GGACT: variants seen among roughly 807,000 people sequenced by gnomAD.
GGACT encodes gamma-glutamylamine cyclotransferase.
For synonymous variants in GGACT, 118 were observed against 115.3 expected (o/e 1.02, Z -0.15); for missense variants, 241 against 233.2 (o/e 1.03, Z -0.22).
intron 2 of GGACT, among the ~76,000 whole-genome samples, chr13:100,579,670 G>T (rs760951598): frequency 6.6e-6 from 1 of 152,056 alleles, no homozygotes. Flanking sequence ...TTCCCTACTC[G>T]GTCTATTTCC....
rs1275992118 is a variant in GGACT, at chr13:100,530,591, T to C, written c.*1539A>G. Reference sequence around the variant, plus strand: ...TTTATTAAATTAGCACTTGCCATTTTTTCATCTGATTGCCTTACTACTTCT... The same window carrying C: ...TTTATTAAATTAGCACTTGCCATTTCTTCATCTGATTGCCTTACTACTTCT... On this transcript the variant is annotated 3_prime_UTR_variant, in exon 3 of 3. Transcript: ENST00000683975. 1 of 293,236 alleles carries C rather than the reference T, an allele frequency of 3.4e-6. No homozygotes were observed. Among genetic ancestry groups the C allele is most frequent in the African/African-American group, 2.2e-5 (1 of 44,504 alleles). The allele number at this position is 293,236 out of a possible 1,614,324, so 18.2% of individuals were successfully genotyped here. A position where few individuals can be genotyped will look rare whatever the true frequency, so the allele number is the denominator to read the frequency against.
Position 100,583,993 on chromosome 13 carries a change from C to T in GGACT, c.-179G>A, listed in dbSNP as rs1337088810. On this transcript the variant is annotated 5_prime_UTR_variant, in exon 2 of 3. Coordinates refer to ENST00000683975, the MANE Select transcript of GGACT (RefSeq NM_001195087.2). ...CCATGGGGACCAAATATCCAGTTTT[C>T]AGTCCTGTTGGGAGGTGAGATAAGA... The T allele has an allele frequency of 6.6e-6, 1 of 152,200 alleles. No individual in the cohort carries two copies. The highest frequency in any genetic ancestry group is 1.5e-5 in the Non-Finnish European group (1 of 68,044). The allele number at this position is 152,200 out of a possible 1,614,324, so 9.4% of individuals were successfully genotyped here.
intron 2 of GGACT, among the ~76,000 whole-genome samples, chr13:100,581,727 G>A (rs1875424012): frequency 6.6e-6 from 1 of 152,142 alleles, no homozygotes. Context: ...ACTTTACAGT[G>A]GAGAAACCTG....
chr13:100,583,708 A>G (rs949972476), intron 2 of GGACT, 117 bp downstream of exon 2: 2 of 152,190 alleles, frequency 1.3e-5, no homozygotes, highest in Non-Finnish European at 2.9e-5. Context: ...CACCACTACT[A>G]TTCTTAAATG....
Position 100,532,171 on chromosome 13 carries a change from C to T in GGACT, c.421G>A (p.Gly141Arg). ...GGGTTGTAGCGCAGCCCGTGCGGCC[C>T]CTCGGAGTCGTAGCTGTCATGGTGC... ...LPHHDSYDSE[G>R]PHGLRYNPRE... is the part of the protein sequence containing the mutation. Residue 141 changes from glycine to arginine, a missense_variant, in exon 3 of 3, where the codon GGG becomes AGG. Gly to Arg is a moderately radical substitution (Grantham distance 125). Coordinates refer to ENST00000683975, the MANE Select transcript of GGACT (RefSeq NM_001195087.2). The T allele has an allele frequency of 6.8e-6, 10 of 1,463,298 alleles. No individual in the cohort carries two copies. Among genetic ancestry groups the T allele is most frequent in the Non-Finnish European group, 8.2e-6 (9 of 1,101,604 alleles). 90.6% of individuals were successfully genotyped at this position (1,463,298 alleles called of 1,614,324 possible). A position where few individuals can be genotyped will look rare whatever the true frequency, so the allele number is the denominator to read the frequency against.
chr13:100,569,029 G>T (rs536222885), intron 2 of GGACT, among the ~76,000 whole-genome samples: 1 of 152,234 alleles, frequency 6.6e-6, no homozygotes, highest in East Asian at 1.9e-4. Context: ...GGGCAGCTCC[G>T]CCCCTATGGC....
intron 2 of GGACT, chr13:100,539,791 C>G: frequency 1.5e-6 from 1 of 666,518 alleles, no homozygotes; most frequent in Non-Finnish European, 2.6e-6. Context: ...GTAGAATTTA[C>G]CAGTGAAGCC....
At chr13:100,575,275 CAG>C (rs1245743634) in intron 2 of GGACT, among the ~76,000 whole-genome samples, 1 of 152,152 alleles carries the variant, frequency 6.6e-6, no homozygotes. Flanking sequence ...CCTGTGTACC[CAG>C]AGACTTTCCC....
intron 2 of GGACT, among the ~76,000 whole-genome samples, chr13:100,569,834 C>A (rs1351488800): frequency 6.6e-6 from 1 of 152,226 alleles, no homozygotes; most frequent in Non-Finnish European, 1.5e-5. Context: ...TCACCTCTCT[C>A]AAGTTCAAAG....
Position 100,534,004 on chromosome 13 carries a change from C to A in GGACT, c.-10-1403G>T, listed in dbSNP as rs2088455692. 1.3e-5 allele frequency among the ~76,000 whole-genome samples: 2 copies of A among 152,340 alleles called. No homozygotes were observed. Among genetic ancestry groups the A allele is most frequent in the South Asian group, 4.1e-4 (2 of 4,826 alleles). On this transcript the variant is annotated intron_variant, in intron 2 of 2. Coordinates refer to ENST00000683975, the MANE Select transcript of GGACT (RefSeq NM_001195087.2). This position sits in a 1 kb window ranked among gnomAD's most constrained non-coding sequence, Gnocchi z 4.9. ...CCAGGAAACAGCAGCGGCTCGTGAC[C>A]CGCCAGAAATGGCCCCGGACACCAC...
intron 2 of GGACT, chr13:100,580,128 G>C (rs1875372019): frequency 6.6e-6 from 1 of 152,314 alleles, no homozygotes; most frequent in South Asian, 2.1e-4. Context: ...AAAAATGCCT[G>C]GGGATCTGCT....
rs763453775 is a variant in GGACT, at chr13:100,530,381, CTG to C, written c.*1747_*1748del. The C allele has an allele frequency of 3.3e-6, 2 of 612,272 alleles. No homozygotes were observed. The highest frequency in any genetic ancestry group is 5.6e-5 in the East Asian group (2 of 35,950). 37.9% of individuals were successfully genotyped at this position (612,272 alleles called of 1,614,324 possible). A position where few individuals can be genotyped will look rare whatever the true frequency, so the allele number is the denominator to read the frequency against. ...CTTGTACATATGATTTGTACTTCTG[CTG>C]TGAGATTCCCTAGTGTCAAAATTAA... On this transcript the variant is annotated 3_prime_UTR_variant, in exon 3 of 3. Coordinates refer to ENST00000683975, the MANE Select transcript of GGACT (RefSeq NM_001195087.2).
intron 2 of GGACT, among the ~76,000 whole-genome samples, chr13:100,549,064 T>A (rs559369984): frequency 7.2e-5 from 11 of 152,300 alleles, no homozygotes; most frequent in African/African-American, 2.6e-4. Flanking sequence ...CCACCACCCA[T>A]GGACCAGGAG....
intron 2 of GGACT, among the ~76,000 whole-genome samples, chr13:100,553,443 G>A (rs1056955479): frequency 2.6e-5 from 4 of 152,178 alleles, no homozygotes; most frequent in Non-Finnish European, 5.9e-5. Context: ...GATACTCTAT[G>A]GCAACAAGAA....
intron 2 of GGACT, 134 bp from the exon 3 acceptor site, chr13:100,532,735 G>C: frequency 1.5e-6 from 1 of 660,368 alleles, no homozygotes; most frequent in East Asian, 2.7e-5. Flanking sequence ...CTCAGATAAG[G>C]CGTTACTTAC....
At chr13:100,583,405 C>T (rs1297692372) in intron 2 of GGACT, among the ~76,000 whole-genome samples, 1 of 152,112 alleles carries the variant, frequency 6.6e-6, no homozygotes, top group Non-Finnish European at 1.5e-5. Context: ...GTACGTATGA[C>T]AAAAGATTAG....
At chr13:100,562,928 CA>C (rs745981291) in intron 2 of GGACT, among the ~76,000 whole-genome samples, 22 of 152,162 alleles carry the variant, frequency 1.4e-4, no homozygotes, top group Admixed American at 2.6e-4. Flanking sequence ...CCTGGGCCCC[CA>C]CTGCCATGTG....
Position 100,532,497 on chromosome 13 carries a change from G to T in GGACT, c.95C>A (p.Ala32Glu), listed in dbSNP as rs1412193563. ...DGAHGSAAFRARGRTLEPYPL... is the reference protein window; with the variant it reads ...DGAHGSAAFRERGRTLEPYPL... The stretch of plus-strand genomic sequence containing the variant: ...GTAGGGCTCCAGCGTGCGGCCGCGC[G>T]CCCGAAAGGCTGCGGAGCCGTGGGC... The change falls in exon 3 of 3, where the codon GCG becomes GAG. Residue 32 changes from alanine to glutamate, a missense_variant. By Grantham distance (107) the Ala-to-Glu change is moderately radical. Transcript: ENST00000683975. 15 of 1,548,698 alleles carry T rather than the reference G, an allele frequency of 9.7e-6. No individual in the cohort carries two copies. The highest frequency in any genetic ancestry group is 1.3e-5 in the Non-Finnish European group (15 of 1,146,136).
chr13:100,584,683 CTGA>C (rs1172017515), intron 1 of GGACT, among the ~76,000 whole-genome samples: 2 of 152,036 alleles, frequency 1.3e-5, no homozygotes, highest in South Asian at 2.1e-4. Flanking sequence ...CCCATTTACC[CTGA>C]TGTGATTATT....
Sources: gnomAD v4.1 joint callset for allele counts (sites outside exome capture counted in the v4.1 genomes callset) on GRCh38, gnomAD v4.1.1 for gene constraint, Gnocchi (gnomAD v3.1) non-coding constraint, MANE v1.5 for transcripts, NCBI Gene and HGNC (gene_info 2026-07-23, HGNC 2026-07-21) for gene names.